The following WWTR1 variants were observed in gnomAD, a reference collection of about 807,000 sequenced individuals.
WWTR1 encodes WW domain containing transcription regulator 1.
WWTR1 carries 13 observed loss-of-function variants against 40.1 expected under a neutral mutation model. That is an observed-to-expected ratio of 0.32 (90% confidence interval 0.21 to 0.52). The LOEUF (loss-of-function observed/expected upper bound fraction) is 0.52, where lower values mean the gene tolerates loss of function less well. Among genes scored for constraint, WWTR1 ranks in the 20% least tolerant of loss-of-function variants. WWTR1 has a pLI of 0.97. For missense variants in WWTR1, 436 were observed against 523.1 expected, an observed-to-expected ratio of 0.83 and a Z score of 1.63; for synonymous variants, 230 against 210.1, an observed-to-expected ratio of 1.09 and a Z score of -0.82.
chr3:149,691,450 AAT>A (rs1297169319), intron 1 of WWTR1, among the ~76,000 whole-genome samples: 7 of 152,086 alleles, frequency 4.6e-5, no homozygotes, highest in African/African-American at 1.7e-4. Context: ...GACTCAGATA[AAT>A]AAAATCAGAG....
chr3:149,622,481 G>A (rs1560089596), intron 2 of WWTR1, among the ~76,000 whole-genome samples: 70 of 123,620 alleles, frequency 5.7e-4, no homozygotes, highest in African/African-American at 2.1e-3. Flanking sequence ...AAGGAAGGAA[G>A]GAAGGAAGGA....
chr3:149,675,952 G>A (rs560788700), intron 1 of WWTR1, among the ~76,000 whole-genome samples: 44 of 152,176 alleles, frequency 2.9e-4, no homozygotes, highest in Non-Finnish European at 4.3e-4. Context: ...TGATCGGCCC[G>A]TCTCAGCTTC....
At chr3:149,570,246 G>A (rs560405205) in intron 3 of WWTR1, among the ~76,000 whole-genome samples, 12 of 152,230 alleles carry the variant, frequency 7.9e-5, no homozygotes, top group African/African-American at 2.9e-4. Context: ...CCCAGAATGT[G>A]CGTCTTGAGA....
chr3:149,632,597 G>C (rs1711599261), intron 2 of WWTR1, among the ~76,000 whole-genome samples: 1 of 152,190 alleles, frequency 6.6e-6, no homozygotes, highest in Non-Finnish European at 1.5e-5. Context: ...ACTAAAGGAA[G>C]ATCATTTTCC....
At chr3:149,687,705 C>A (rs550977035) in intron 1 of WWTR1, among the ~76,000 whole-genome samples, 1 of 152,146 alleles carries the variant, frequency 6.6e-6, no homozygotes, top group Non-Finnish European at 1.5e-5. Context: ...AGACAGCTTC[C>A]GCTAGAAGAA....
chr3:149,588,179 T>TA (rs1343961151), intron 2 of WWTR1, among the ~76,000 whole-genome samples: 1 of 152,186 alleles, frequency 6.6e-6, no homozygotes, highest in Non-Finnish European at 1.5e-5. Flanking sequence ...GCAATAGACA[T>TA]ACGTTTCTGC....
chr3:149,718,040 T>G (rs1715652940), intron 4 of WWTR1, among the ~76,000 whole-genome samples: 1 of 152,184 alleles, frequency 6.6e-6, no homozygotes, highest in South Asian at 2.1e-4. Flanking sequence ...TACAAAATTA[T>G]ATCCCTAAAC....
At chr3:149,597,822 G>A (rs1056323598) in intron 2 of WWTR1, among the ~76,000 whole-genome samples, 2 of 152,172 alleles carry the variant, frequency 1.3e-5, no homozygotes, top group African/African-American at 4.8e-5. Flanking sequence ...AGTGTAGGCC[G>A]AATCCTTTTT....
At chr3:149,630,052 C>T (rs997003516) in intron 2 of WWTR1, among the ~76,000 whole-genome samples, 6 of 152,080 alleles carry the variant, frequency 3.9e-5, no homozygotes, top group African/African-American at 1.4e-4. Context: ...CACTATGTTG[C>T]CCAGAGTGGT....
intron 3 of WWTR1, among the ~76,000 whole-genome samples, chr3:149,546,618 T>C (rs1016815778): frequency 1.3e-5 from 2 of 152,230 alleles, no homozygotes; most frequent in Non-Finnish European, 2.9e-5. Flanking sequence ...CTTTTCCTTT[T>C]CTGTACTATT....
At chr3:149,643,540 G>T (rs1026825113) in intron 2 of WWTR1, among the ~76,000 whole-genome samples, 3 of 152,198 alleles carry the variant, frequency 2.0e-5, no homozygotes, top group Admixed American at 2.0e-4. Flanking sequence ...TTAATAGGAT[G>T]CTTAAACAAG....
chr3:149,591,662 T>C (rs1377743942), intron 2 of WWTR1, among the ~76,000 whole-genome samples: 1 of 152,230 alleles, frequency 6.6e-6, no homozygotes, highest in Non-Finnish European at 1.5e-5. Context: ...TAATATCTTA[T>C]GTTTTAAAAC....
intron 3 of WWTR1, among the ~76,000 whole-genome samples, chr3:149,562,600 G>GAC (rs60366789): frequency 0.029 from 3,917 of 135,806 alleles, 85 homozygotes; most frequent in South Asian, 0.099. Flanking sequence ...TTAAAATACA[G>GAC]ACACACACAC....
At chr3:149,536,495 A>G (rs1735842304) in intron 4 of WWTR1, among the ~76,000 whole-genome samples, 1 of 151,024 alleles carries the variant, frequency 6.6e-6, no homozygotes, top group Admixed American at 6.6e-5. Context: ...GGGGGGCCTC[A>G]GAACCTTCCC....
chr3:149,552,004 AT>A (rs1736636575), intron 3 of WWTR1, among the ~76,000 whole-genome samples: 1 of 146,088 alleles, frequency 6.8e-6, no homozygotes. Context: ...TATTTATGAC[AT>A]TTATTTTATG....
intron 4 of WWTR1, among the ~76,000 whole-genome samples, chr3:149,529,951 T>TA (rs1474803452): frequency 1.3e-5 from 2 of 152,218 alleles, no homozygotes; most frequent in Non-Finnish European, 2.9e-5. Flanking sequence ...CCATTCTGAA[T>TA]AAATGTGGGA....
Position 149,520,149 on chromosome 3 carries a change from T to C in WWTR1, c.*656A>G, listed in dbSNP as rs377118192. The C allele has an allele frequency of 1.3e-5, 2 of 152,340 alleles. No homozygotes were observed. The highest frequency in any genetic ancestry group is 2.1e-4 in the South Asian group (1 of 4,834). 9.4% of individuals were successfully genotyped at this position (152,340 alleles called of 1,614,324 possible). A position where few individuals can be genotyped will look rare whatever the true frequency, so the allele number is the denominator to read the frequency against. ...TACTTTCCCGCTGGAGGGACTAAGT[T>C]GTCTAGATGCTCTGCAGTAAAATAA... On this transcript the variant is annotated 3_prime_UTR_variant, in exon 7 of 7. Coordinates refer to ENST00000360632, the MANE Select transcript of WWTR1 (RefSeq NM_015472.6).
chr3:149,721,414 T>C (rs754958251), intron 4 of WWTR1, among the ~76,000 whole-genome samples: 25 of 152,220 alleles, frequency 1.6e-4, no homozygotes, highest in Non-Finnish European at 2.4e-4. Context: ...TGATCAGTTT[T>C]CATAGATTGA....
intron 2 of WWTR1, among the ~76,000 whole-genome samples, chr3:149,594,405 C>T (rs1216815679): frequency 6.6e-6 from 1 of 151,906 alleles, no homozygotes; most frequent in Non-Finnish European, 1.5e-5. Context: ...CATCTGAGAC[C>T]ATTAGGAATA....
Sources: gnomAD v4.1 joint callset for allele counts (sites outside exome capture counted in the v4.1 genomes callset) on GRCh38, gnomAD v4.1.1 for gene constraint, MANE v1.5 for transcripts, NCBI Gene and HGNC (gene_info 2026-07-23, HGNC 2026-07-21) for gene names.